The following PITPNC1 variants were observed in gnomAD, a reference collection of about 807,000 sequenced individuals.
PITPNC1 encodes phosphatidylinositol transfer protein cytoplasmic 1.
A neutral mutation model predicts 44.7 loss-of-function variants in PITPNC1; 18 were observed. That is an observed-to-expected ratio of 0.40 (90% CI 0.28 to 0.60). The LOEUF (loss-of-function observed/expected upper bound fraction) is 0.60, where lower values mean the gene tolerates loss of function less well. PITPNC1 is among the 20% of genes least tolerant of loss of function. The pLI is 0.39. For synonymous variants in PITPNC1, 141 were observed against 149.6 expected (o/e 0.94, Z 0.42); for missense variants, 290 against 418.4 (o/e 0.69, Z 2.68).
chr17:67,657,262 G>A (rs776292126), intron 6 of PITPNC1, among the ~76,000 whole-genome samples: 89 of 151,930 alleles, frequency 5.9e-4, no homozygotes, highest in Non-Finnish European at 1.1e-3. Context: ...GATTAAAGGA[G>A]TCCTTTCCCT....
At chr17:67,692,455 G>A in intron 8 of PITPNC1, 117 bp from the exon 9 acceptor site, 1 of 719,326 alleles carries the variant, frequency 1.4e-6, no homozygotes, top group South Asian at 1.8e-5. Context: ...GTATAATCGG[G>A]AGAGGCCCCT....
chr17:67,499,561 T>C (rs191250696), intron 1 of PITPNC1, among the ~76,000 whole-genome samples: 21 of 152,328 alleles, frequency 1.4e-4, no homozygotes, highest in Admixed American at 3.9e-4. Context: ...TTGGCCTGAA[T>C]AGCTGGTCTG....
intron 8 of PITPNC1, among the ~76,000 whole-genome samples, chr17:67,682,449 A>G (rs1319533323): frequency 6.6e-6 from 1 of 152,138 alleles, no homozygotes; most frequent in Admixed American, 6.5e-5. Context: ...CTCAGGCCCC[A>G]TGCAGTATGA....
chr17:67,599,468 G>A (rs572333666), intron 5 of PITPNC1, among the ~76,000 whole-genome samples: 5 of 152,228 alleles, frequency 3.3e-5, no homozygotes, highest in East Asian at 3.9e-4. Flanking sequence ...GAATATTGAC[G>A]TTTAATGGGA....
chr17:67,688,861 C>G (rs925857549), intron 8 of PITPNC1, among the ~76,000 whole-genome samples: 22 of 152,212 alleles, frequency 1.4e-4, no homozygotes, highest in African/African-American at 4.8e-4. Context: ...AGCTTATAAG[C>G]CCCTTGGCTT....
intron 4 of PITPNC1, among the ~76,000 whole-genome samples, chr17:67,571,659 C>T (rs1043516894): frequency 3.9e-5 from 6 of 152,204 alleles, no homozygotes; most frequent in Admixed American, 1.3e-4. Context: ...ACGAAGGTCG[C>T]GTTTTCTAGC....
intron 2 of PITPNC1, among the ~76,000 whole-genome samples, chr17:67,550,693 A>G (rs1427662790): frequency 6.6e-6 from 1 of 152,134 alleles, no homozygotes; most frequent in Non-Finnish European, 1.5e-5. Flanking sequence ...ACTTAGCTAT[A>G]GGCCCCAGAG....
intron 1 of PITPNC1, among the ~76,000 whole-genome samples, chr17:67,435,867 C>T (rs558232076): frequency 7.2e-5 from 11 of 152,194 alleles, no homozygotes; most frequent in African/African-American, 2.2e-4. Flanking sequence ...GCACCCTCCC[C>T]GCCAAGAAGA....
chr17:67,383,916 A>C (rs1052992637), intron 1 of PITPNC1, among the ~76,000 whole-genome samples: 10 of 152,148 alleles, frequency 6.6e-5, no homozygotes, highest in Admixed American at 6.5e-5. Context: ...GCATGCCTGT[A>C]ATCCCAGGTA....
At chr17:67,454,044 A>G (rs2039221548) in intron 1 of PITPNC1, among the ~76,000 whole-genome samples, 1 of 152,146 alleles carries the variant, frequency 6.6e-6, no homozygotes, top group Non-Finnish European at 1.5e-5. Context: ...TGAGGTCAGG[A>G]GTTGGAGACC....
chr17:67,639,671 C>T (rs1242039362), intron 6 of PITPNC1, among the ~76,000 whole-genome samples: 2 of 152,196 alleles, frequency 1.3e-5, no homozygotes, highest in Non-Finnish European at 2.9e-5. Context: ...TGGGTCATAG[C>T]CTTCCTGGAC....
chr17:67,569,840 G>A (rs2041027947), intron 4 of PITPNC1, among the ~76,000 whole-genome samples: 1 of 152,304 alleles, frequency 6.6e-6, no homozygotes, highest in Non-Finnish European at 1.5e-5. Context: ...TTTCTATGAT[G>A]CTTTCTCTGC....
intron 7 of PITPNC1, among the ~76,000 whole-genome samples, chr17:67,673,247 G>A (rs748704467): frequency 2.1e-4 from 32 of 152,262 alleles, no homozygotes; most frequent in South Asian, 8.3e-4. Context: ...AACCTTCCAC[G>A]AGAGGTTTTT....
chr17:67,382,179 C>T (rs999147451), intron 1 of PITPNC1, among the ~76,000 whole-genome samples: 3 of 152,106 alleles, frequency 2.0e-5, no homozygotes, highest in Non-Finnish European at 4.4e-5. Flanking sequence ...AAATCAGAGG[C>T]CTTTTGACTT....
rs57287879 is a variant in PITPNC1 at position 67,676,820 on chromosome 17, C to CT, written c.682+1288dup. Among the ~76,000 whole-genome samples, 1,289 of 149,642 alleles carry CT rather than the reference C, an allele frequency of 8.6e-3. 17 individuals carry two copies. The highest frequency in any genetic ancestry group is 0.03 in the African/African-American group (1,214 of 40,712). ...ATGGTTCTATAAGCTATGGGCTTTT[C>CT]TTTTTTTTTTCTTTTTTTCTTACCT... On this transcript the variant is annotated intron_variant, in intron 8 of 8. Coordinates refer to ENST00000581322, the MANE Select transcript of PITPNC1 (RefSeq NM_012417.4). The surrounding 1 kb of genome is among the most constrained non-coding windows in gnomAD (Gnocchi z 4.0).
intron 2 of PITPNC1, among the ~76,000 whole-genome samples, chr17:67,537,962 A>G (rs1189306441): frequency 6.6e-6 from 1 of 150,778 alleles, no homozygotes; most frequent in African/African-American, 2.4e-5. Context: ...ACTGAGCGAG[A>G]CTCCATCTCA....
In PITPNC1 at chr17:67,693,029, CTT is replaced by C. The variant is rs1418376647; in HGVS notation, c.*142_*143del. 5 of 613,864 alleles carry C rather than the reference CTT, an allele frequency of 8.1e-6. No homozygotes were observed. In the African/African-American group the frequency reaches 9.2e-5, roughly 11 times the overall value. 38.0% of individuals were successfully genotyped at this position (613,864 alleles called of 1,614,324 possible). A position where few individuals can be genotyped will look rare whatever the true frequency, so the allele number is the denominator to read the frequency against. On this transcript the variant is annotated 3_prime_UTR_variant, in exon 9 of 9. Transcript: ENST00000581322. ...TTTCAGTGTGCATGTGACTCAGTAA[CTT>C]CACATAGAATATGATTCCCTAAGTA...
In PITPNC1 at chr17:67,607,294, G is replaced by A. The variant is rs780716128; in HGVS notation, c.367-24849G>A. On this transcript the variant is annotated intron_variant, in intron 5 of 8. Coordinates refer to ENST00000581322, the MANE Select transcript of PITPNC1 (RefSeq NM_012417.4). ...GAAATCTCAGCTTTCAGGAAAGGATGCCAGCCCCAGGAGTTATAGGATGCA... is the reference window on the plus strand; with the variant it reads ...GAAATCTCAGCTTTCAGGAAAGGATACCAGCCCCAGGAGTTATAGGATGCA... 2.0e-5 allele frequency among the ~76,000 whole-genome samples: 3 copies of A among 152,302 alleles called. No homozygotes were observed. The South Asian group carries it at 6.2e-4, about 32-fold the overall frequency.
chr17:67,400,869 G>C (rs1280924139), intron 1 of PITPNC1, among the ~76,000 whole-genome samples: 1 of 151,554 alleles, frequency 6.6e-6, no homozygotes, highest in Non-Finnish European at 1.5e-5. Flanking sequence ...TCGTGAATGT[G>C]GTAGCAGAAA....
Sources: gnomAD v4.1 joint callset for allele counts (sites outside exome capture counted in the v4.1 genomes callset) on GRCh38, gnomAD v4.1.1 for gene constraint, Gnocchi (gnomAD v3.1) non-coding constraint, MANE v1.5 for transcripts, NCBI Gene and HGNC (gene_info 2026-07-23, HGNC 2026-07-21) for gene names.